Variants in BPIFB1 observed in about 807,000 individuals in gnomAD.
BPIFB1 encodes BPI fold containing family B member 1.
BPIFB1 carries 34 observed loss-of-function variants against 55.1 expected under a neutral mutation model. The observed-to-expected ratio is 0.62, with a 90% CI of 0.47 to 0.82. The LOEUF (loss-of-function observed/expected upper bound fraction) is 0.82, where lower values mean the gene tolerates loss of function less well. Ranked by LOEUF, BPIFB1 falls within the 40% of genes least tolerant of loss-of-function variation. The probability of loss-of-function intolerance (pLI) is 0.00; values close to 1 mark genes in which losing one functional copy is unlikely to be tolerated. For synonymous variants in BPIFB1, 236 were observed against 245.3 expected (o/e 0.96, Z 0.35); for missense variants, 532 against 593.1 (o/e 0.90, Z 1.07).
chr20:33,294,087 A>T (rs531531754), intron 6 of BPIFB1, among the ~76,000 whole-genome samples: 61 of 152,340 alleles, frequency 4.0e-4, no homozygotes, highest in Non-Finnish European at 6.3e-4. Context: ...GCACTAGTAA[A>T]GCTTAAGAGT....
intron 1 of BPIFB1, among the ~76,000 whole-genome samples, chr20:33,283,460 T>C (rs544130423): frequency 8.4e-4 from 128 of 152,198 alleles, no homozygotes; most frequent in African/African-American, 3.0e-3. Flanking sequence ...GACGAAGGGA[T>C]GGGGCTGGCT....
At chr20:33,301,101 C>A in intron 8 of BPIFB1, 132 bp from the exon 9 acceptor site, 1 of 861,136 alleles carries the variant, frequency 1.2e-6, no homozygotes, top group Non-Finnish European at 1.8e-6. Context: ...CACACCTGAG[C>A]TCCAGGCTAA....
At chr20:33,307,329 C>G (rs1324544942) in intron 15 of BPIFB1, 2 of 234,398 alleles carry the variant, frequency 8.5e-6, no homozygotes, top group Non-Finnish European at 1.7e-5. Context: ...GGAAAACACT[C>G]CCATCTTTTT....
chr20:33,300,478 G>T (rs546634036), intron 8 of BPIFB1, among the ~76,000 whole-genome samples: 3 of 152,364 alleles, frequency 2.0e-5, no homozygotes, highest in Admixed American at 2.0e-4. Flanking sequence ...GACCAGAAGT[G>T]CCCAGTAACT....
chr20:33,308,550 T>A, intron 15 of BPIFB1, among the ~76,000 whole-genome samples: 1 of 135,022 alleles, frequency 7.4e-6, no homozygotes, highest in African/African-American at 2.9e-5. Context: ...ACACACACCT[T>A]TATACACCTA....
intron 6 of BPIFB1, among the ~76,000 whole-genome samples, chr20:33,295,084 GCA>G: frequency 6.6e-6 from 1 of 151,774 alleles, no homozygotes; most frequent in Middle Eastern, 3.4e-3. Flanking sequence ...GCGCAGTGGC[GCA>G]CACCTGTAAT....
intron 6 of BPIFB1, among the ~76,000 whole-genome samples, chr20:33,294,275 C>CT (rs142104550): frequency 6.6e-6 from 1 of 152,040 alleles, no homozygotes; most frequent in Non-Finnish European, 1.5e-5. Context: ...TTCTCCAGTA[C>CT]TTTTTTGGAA....
Position 33,309,610 on chromosome 20 carries a change from C to T in BPIFB1, c.1396-98C>T, listed in dbSNP as rs1162542653. 11 of 1,153,056 alleles carry T rather than the reference C, an allele frequency of 9.5e-6. No individual in the cohort carries two copies. The highest frequency in any genetic ancestry group is 3.8e-5 in the South Asian group (3 of 79,422). The allele number at this position is 1,153,056 out of a possible 1,614,324, so 71.4% of individuals were successfully genotyped here. A position where few individuals can be genotyped will look rare whatever the true frequency, so the allele number is the denominator to read the frequency against. Reference sequence around the variant, plus strand: ...TTGTGGGTTCAGGGTCATGGTCCCCCGGTGCCAGCAGTCACCTTATGGAGG... The same window carrying T: ...TTGTGGGTTCAGGGTCATGGTCCCCTGGTGCCAGCAGTCACCTTATGGAGG... On this transcript the variant is annotated intron_variant, in intron 15 of 15. Coordinates refer to ENST00000253354, the MANE Select transcript of BPIFB1 (RefSeq NM_033197.3). This position sits in a 1 kb window ranked among gnomAD's most constrained non-coding sequence, Gnocchi z 4.4.
intron 6 of BPIFB1, among the ~76,000 whole-genome samples, chr20:33,294,071 GC>G (rs1980558403): frequency 6.6e-6 from 1 of 152,136 alleles, no homozygotes. Flanking sequence ...TTCAACTTCT[GC>G]TTCTGCACTA....
chr20:33,308,927 TACACATATAC>T (rs1271569296), intron 15 of BPIFB1, among the ~76,000 whole-genome samples: 3 of 146,270 alleles, frequency 2.1e-5, no homozygotes, highest in Non-Finnish European at 4.5e-5. Flanking sequence ...GACGCACACA[TACACATATAC>T]ACACATACAC....
At chr20:33,295,816 A>AGAAG (rs1277573905) in intron 6 of BPIFB1, among the ~76,000 whole-genome samples, 1 of 142,160 alleles carries the variant, frequency 7.0e-6, no homozygotes, top group Non-Finnish European at 1.5e-5. Flanking sequence ...AAGGAAGGAA[A>AGAAG]GAAGGAAGGA....
Position 33,288,763 on chromosome 20 carries a change from C to T in BPIFB1, c.138C>T (p.Asp46=), listed in dbSNP as rs762870231. Residue 46 remains aspartate, a synonymous_variant, in exon 3 of 16, where the codon GAC becomes GAT. Coordinates refer to ENST00000253354, the MANE Select transcript of BPIFB1 (RefSeq NM_033197.3). ...CAGAGCTGACACAGGAGCTGAAGGA[C>T]CACAACGCCACCAGCATCCTGCAGC... ...IKEKLTQELK[D]HNATSILQQL... 2 of 1,613,948 alleles carry T rather than the reference C, an allele frequency of 1.2e-6. No individual in the cohort carries two copies. The highest frequency in any genetic ancestry group is 1.7e-6 in the Non-Finnish European group (2 of 1,180,002).
intron 1 of BPIFB1, among the ~76,000 whole-genome samples, chr20:33,283,873 C>T (rs1167537224): frequency 2.0e-5 from 3 of 152,040 alleles, no homozygotes; most frequent in Non-Finnish European, 4.4e-5. Flanking sequence ...CTACCATCCT[C>T]GTGGGTCCCT....
chr20:33,299,966 C>T lies in BPIFB1; in HGVS notation c.729C>T (p.Thr243=). 1 of 1,614,110 alleles carries T rather than the reference C, an allele frequency of 6.2e-7. No homozygotes were observed. The highest frequency in any genetic ancestry group is 1.7e-5 in the Admixed American group (1 of 60,022). The change falls in exon 8 of 16, where the codon ACC becomes ACT. Residue 243 remains threonine, a synonymous_variant. Transcript: ENST00000253354. ...TGTATCCTGCCATCAAGGGTGACAC[C>T]ATTCAGCTCTACCTGGGGGTGAGTG... The part of the protein sequence containing the change: ...DLLYPAIKGD[T]IQLYLGAKLL...
At chr20:33,301,499 C>T in intron 9 of BPIFB1, 87 bp downstream of exon 9, 1 of 1,286,332 alleles carries the variant, frequency 7.8e-7, no homozygotes, top group Non-Finnish European at 1.1e-6. Flanking sequence ...AAGCAGGAAT[C>T]CTCCATCAGG....
chr20:33,307,204 C>A, intron 15 of BPIFB1: 1 of 533,068 alleles, frequency 1.9e-6, no homozygotes, highest in Admixed American at 3.3e-5. Flanking sequence ...CTTTTTCCAC[C>A]CCCTTGTCAT....
Position 33,290,981 on chromosome 20 carries a change from G to T in BPIFB1, c.390G>T (p.Glu130Asp), listed in dbSNP as rs765701037. 4 of 1,613,868 alleles carry T rather than the reference G, an allele frequency of 2.5e-6. No homozygotes were observed. The East Asian group carries it at 8.9e-5, about 36-fold the overall frequency. Reference sequence around the variant, plus strand: ...GGCCCCTGGTCAAGACCATCGTGGAGTTCCACATGACGACTGAGGCCCAAG... The same window carrying T: ...GGCCCCTGGTCAAGACCATCGTGGATTTCCACATGACGACTGAGGCCCAAG... ...FNTPLVKTIV[E>D]FHMTTEAQAT... Residue 130 changes from glutamate (E) to aspartate (D), a missense_variant, in exon 5 of 16, where the codon GAG (glutamate) becomes GAT (aspartate). Transcript: ENST00000253354.
At chr20:33,288,413 C>T (rs1009380965) in intron 2 of BPIFB1, among the ~76,000 whole-genome samples, 1 of 152,210 alleles carries the variant, frequency 6.6e-6, no homozygotes, top group Non-Finnish European at 1.5e-5. Context: ...CCTAGAAATG[C>T]TTGCAACTGG....
intron 6 of BPIFB1, among the ~76,000 whole-genome samples, chr20:33,294,463 A>G (rs1980569385): frequency 6.6e-6 from 1 of 152,254 alleles, no homozygotes; most frequent in Non-Finnish European, 1.5e-5. Flanking sequence ...TAGCAAAGGT[A>G]CGTATCCAGG....
Sources: gnomAD v4.1 joint callset for allele counts (sites outside exome capture counted in the v4.1 genomes callset) on GRCh38, gnomAD v4.1.1 for gene constraint, Gnocchi (gnomAD v3.1) non-coding constraint, MANE v1.5 for transcripts, NCBI Gene and HGNC (gene_info 2026-07-23, HGNC 2026-07-21) for gene names.